MTUS1: variants seen among roughly 807,000 people sequenced by gnomAD.
MTUS1 encodes microtubule-associated tumor suppressor 1.
Under a neutral mutation model 120.8 loss-of-function variants are expected in MTUS1, and 109 were observed. That is an observed-to-expected ratio of 0.90 (90% CI 0.77 to 1.06). The LOEUF (loss-of-function observed/expected upper bound fraction) is 1.06, where lower values mean the gene tolerates loss of function less well. Ranked by LOEUF, MTUS1 falls within the 50% of genes least tolerant of loss-of-function variation. The pLI, the probability that MTUS1 is intolerant of heterozygous loss-of-function variation, is 0.00. For synonymous variants in MTUS1, 737 were observed against 550.5 expected (o/e 1.34, Z -4.74); for missense variants, 2,210 against 1,486.3 (o/e 1.49, Z -8.01).
chr8:17,762,032 G>C lies in MTUS1; in HGVS notation c.-154-6071C>G, dbSNP rs1369428561. Among the ~76,000 whole-genome samples the C allele has an allele frequency of 2.0e-5, 3 of 152,124 alleles. No homozygotes were observed. In the East Asian group the frequency reaches 5.8e-4, roughly 29 times the overall value. ...CAGTGGCTCAGGCCTATAATACCAA[G>C]ACTTTGGGAAGCCGAGGTGGGCGGA... On this transcript the variant is annotated intron_variant, in intron 1 of 14. Coordinates refer to ENST00000693296, the MANE Select transcript of MTUS1 (RefSeq NM_001363059.2).
At chr8:17,717,148 A>T (rs922195713) in intron 4 of MTUS1, among the ~76,000 whole-genome samples, 1 of 152,204 alleles carries the variant, frequency 6.6e-6, no homozygotes, top group Non-Finnish European at 1.5e-5. Context: ...GGCCCTGTAC[A>T]ATGAGCCATC....
At chr8:17,767,441 A>G (rs2049610866) in intron 1 of MTUS1, among the ~76,000 whole-genome samples, 1 of 151,884 alleles carries the variant, frequency 6.6e-6, no homozygotes, top group African/African-American at 2.4e-5. Flanking sequence ...TCATAGCTGT[A>G]ATCCCAAAAC....
chr8:17,687,051 C>T (rs970633673), intron 6 of MTUS1, among the ~76,000 whole-genome samples: 4 of 152,074 alleles, frequency 2.6e-5, no homozygotes, highest in Non-Finnish European at 4.4e-5. Context: ...CTAAACATTA[C>T]GCAGGGTTTG....
intron 3 of MTUS1, among the ~76,000 whole-genome samples, chr8:17,736,776 G>A (rs1407153122): frequency 6.6e-6 from 1 of 151,878 alleles, no homozygotes; most frequent in Non-Finnish European, 1.5e-5. Flanking sequence ...GTAGAGATGG[G>A]GTTTCACCAT....
rs2045973757 is a variant in MTUS1 at position 17,723,412 on chromosome 8, T to C, written c.2449+260A>G. On this transcript the variant is annotated intron_variant, in intron 4 of 14. Transcript: ENST00000693296. Reference sequence around the variant, plus strand: ...GTCCAAATCCCCTGGGTTGCTACTCTTAAACCTCCAAAACACCATCACTTC... The same window carrying C: ...GTCCAAATCCCCTGGGTTGCTACTCCTAAACCTCCAAAACACCATCACTTC... 3 of 511,532 alleles carry C rather than the reference T, an allele frequency of 5.9e-6. No homozygotes were observed. In the East Asian group the frequency reaches 1.1e-4, roughly 18 times the overall value. The allele number at this position is 511,532 out of a possible 1,614,324, so 31.7% of individuals were successfully genotyped here.
chr8:17,644,372 G>GCCA lies in MTUS1; in HGVS notation c.*1553_*1554insTGG, dbSNP rs1805403742. The GCCA allele has an allele frequency of 1.3e-5, 2 of 152,614 alleles. No individual in the cohort carries two copies. The highest frequency in any genetic ancestry group is 6.5e-5 in the Admixed American group (1 of 15,286). The allele number at this position is 152,614 out of a possible 1,614,324, so 9.5% of individuals were successfully genotyped here. A position where few individuals can be genotyped will look rare whatever the true frequency, so the allele number is the denominator to read the frequency against. ...GCATCCTGAATCTCTTCTTACTACA[G>GCCA]CTGTTATTTGTACAGCCACTGAATG... is the stretch of plus-strand genomic sequence containing the variant. On this transcript the variant is annotated 3_prime_UTR_variant, in exon 15 of 15. Coordinates refer to ENST00000693296, the MANE Select transcript of MTUS1 (RefSeq NM_001363059.2).
intron 4 of MTUS1, chr8:17,721,995 G>GAAA (rs34302917): frequency 5.0e-6 from 6 of 1,209,378 alleles, no homozygotes; most frequent in African/African-American, 1.6e-5. Flanking sequence ...CGAATGGAGG[G>GAAA]AAAAAAAAAA....
intron 7 of MTUS1, among the ~76,000 whole-genome samples, chr8:17,679,928 T>C (rs552429992): frequency 2.0e-5 from 3 of 152,326 alleles, no homozygotes; most frequent in African/African-American, 4.8e-5. Context: ...TGGAATTCCA[T>C]CCTCTCCGTT....
At chr8:17,773,804 G>C (rs1391020134) in intron 1 of MTUS1, among the ~76,000 whole-genome samples, 2 of 151,974 alleles carry the variant, frequency 1.3e-5, no homozygotes, top group African/African-American at 4.8e-5. Flanking sequence ...GGTCTTTCCA[G>C]GAAGAACTCT....
intron 1 of MTUS1, among the ~76,000 whole-genome samples, chr8:17,769,231 CCT>C (rs1491533506): frequency 6.0e-5 from 5 of 83,694 alleles, no homozygotes; most frequent in African/African-American, 2.2e-4. Context: ...TGCTTTTATT[CCT>C]TTTTTTTTTT....
intron 8 of MTUS1, among the ~76,000 whole-genome samples, chr8:17,667,938 T>C (rs1282372883): frequency 6.6e-6 from 1 of 152,216 alleles, no homozygotes; most frequent in Non-Finnish European, 1.5e-5. Flanking sequence ...TGCACAAAAA[T>C]CAACTGGTCT....
At chr8:17,694,805 G>C (rs1163817656) in intron 6 of MTUS1, among the ~76,000 whole-genome samples, 1 of 152,152 alleles carries the variant, frequency 6.6e-6, no homozygotes, top group African/African-American at 2.4e-5. Flanking sequence ...AAATCATTTA[G>C]ATAAGATGAA....
At chr8:17,714,361 G>C (rs1821905257) in intron 5 of MTUS1, among the ~76,000 whole-genome samples, 1 of 152,152 alleles carries the variant, frequency 6.6e-6, no homozygotes, top group Non-Finnish European at 1.5e-5. Flanking sequence ...GGAGGATGCT[G>C]TGACAGAGTA....
intron 1 of MTUS1, among the ~76,000 whole-genome samples, chr8:17,761,694 C>G (rs150897154): frequency 3.3e-4 from 51 of 152,270 alleles, no homozygotes; most frequent in African/African-American, 1.2e-3. Context: ...AACATAAGAA[C>G]TGGCTTCATT....
intron 1 of MTUS1, among the ~76,000 whole-genome samples, chr8:17,792,989 T>C (rs1437812285): frequency 6.6e-6 from 1 of 152,224 alleles, no homozygotes; most frequent in African/African-American, 2.4e-5. Context: ...AATGCAAAAC[T>C]ACTCTGAAAC....
In MTUS1 at chr8:17,755,654, C is replaced by A. The variant is rs779434300; in HGVS notation, c.154G>T (p.Asp52Tyr). 2.5e-6 allele frequency: 4 copies of A among 1,614,106 alleles called. No homozygotes were observed. Among genetic ancestry groups the A allele is most frequent in the Non-Finnish European group, 3.4e-6 (4 of 1,180,042 alleles). The change falls in exon 2 of 15, where the codon GAT becomes TAT. Residue 52 changes from aspartate to tyrosine, a missense_variant. Transcript: ENST00000693296. ...SSVNWNSANP[D>Y]DMVVDYETDP... ...GTTTCATAATCAACCACCATGTCAT[C>A]TGGGTTGGCAGAATTCCAGTTCACA...
intron 1 of MTUS1, among the ~76,000 whole-genome samples, chr8:17,757,750 C>A (rs528526212): frequency 1.3e-5 from 2 of 152,172 alleles, no homozygotes; most frequent in African/African-American, 4.8e-5. Flanking sequence ...TGGTCTCGAA[C>A]TCCTGACCTC....
In MTUS1 at chr8:17,653,485, G is replaced by A. The variant is rs1807495982; in HGVS notation, c.3228C>T (p.Gly1076=). The part of the protein sequence containing the change: ...YEASLSEIKK[G]HEIEKKSLED... ...CAAGCGATTTCTTTTCTATTTCATG[G>A]CCTTTCTTAATTTCTGGGAAAATAA... Residue 1076 remains glycine, a synonymous_variant, in exon 11 of 15, where the codon GGC becomes GGT. Transcript: ENST00000693296. 2 of 1,610,136 alleles carry A rather than the reference G, an allele frequency of 1.2e-6. No individual in the cohort carries two copies. The highest frequency in any genetic ancestry group is 1.7e-6 in the Non-Finnish European group (2 of 1,178,042).
chr8:17,750,087 A>G (rs1474075211), intron 2 of MTUS1, among the ~76,000 whole-genome samples: 2 of 152,076 alleles, frequency 1.3e-5, no homozygotes, highest in East Asian at 3.9e-4. Context: ...CCCTGTCATC[A>G]CTCTTCTTTC....
Sources: allele counts gnomAD v4.1 joint callset (sites outside exome capture counted in the v4.1 genomes callset), GRCh38; gene constraint gnomAD v4.1.1; transcripts MANE v1.5; gene names NCBI Gene and HGNC (gene_info 2026-07-23, HGNC 2026-07-21).